NALF1: variants seen among roughly 807,000 people sequenced by gnomAD.
NALF1 encodes NALCN channel auxiliary factor 1, also known as family with sequence similarity 155 member A.
A neutral mutation model predicts 48.4 loss-of-function variants in NALF1; 3 were observed. The observed-to-expected ratio is 0.06, with a 90% CI of 0.03 to 0.16. The LOEUF (loss-of-function observed/expected upper bound fraction) is 0.16, where lower values mean the gene tolerates loss of function less well. NALF1 is among the 10% of genes least tolerant of loss of function. The pLI is 1.00. For synonymous variants in NALF1, 262 were observed against 245.7 expected, an observed-to-expected ratio of 1.07 and a Z score of -0.62; for missense variants, 526 against 571.5, an observed-to-expected ratio of 0.92 and a Z score of 0.81.
chr13:107,621,996 GT>G (rs34784565), intron 1 of NALF1, among the ~76,000 whole-genome samples: 2 of 150,030 alleles, frequency 1.3e-5, no homozygotes, highest in Admixed American at 6.6e-5. Context: ...CCACAAAGCA[GT>G]TTTTTTTTTC....
intron 1 of NALF1, among the ~76,000 whole-genome samples, chr13:107,379,860 G>A (rs1466310808): frequency 6.6e-6 from 1 of 152,216 alleles, no homozygotes; most frequent in African/African-American, 2.4e-5. Flanking sequence ...GGAGTGGGCA[G>A]ATCACATGGA....
intron 1 of NALF1, among the ~76,000 whole-genome samples, chr13:107,603,106 G>A (rs1253467579): frequency 1.3e-5 from 2 of 152,066 alleles, no homozygotes; most frequent in East Asian, 1.9e-4. Flanking sequence ...GTTTTATAAA[G>A]CAATGCTAAA....
chr13:107,216,513 T>TG (rs970548986), intron 1 of NALF1, among the ~76,000 whole-genome samples: 2 of 150,740 alleles, frequency 1.3e-5, no homozygotes, highest in African/African-American at 2.5e-5. Context: ...TGATCCCTTG[T>TG]GGGGGGTCTT....
At chr13:107,306,441 A>T (rs1488278433) in intron 1 of NALF1, among the ~76,000 whole-genome samples, 3 of 152,120 alleles carry the variant, frequency 2.0e-5, no homozygotes, top group Admixed American at 1.3e-4. Flanking sequence ...ATCAGTGATG[A>T]TTTGGTATTA....
chr13:107,202,029 T>G (rs1386649183), intron 2 of NALF1, among the ~76,000 whole-genome samples: 1 of 152,220 alleles, frequency 6.6e-6, no homozygotes, highest in African/African-American at 2.4e-5. Context: ...TAGTGTCAGA[T>G]GATAACATAA....
At position 107,351,639 on chromosome 13, in the gene NALF1, A is replaced by T. The variant is rs141096609; in HGVS notation, c.916-140884T>A. ...CAAATCTCTCCCTTTTTGCTAATAA[A>T]AGCTTCCCTCTATCCTTCCCTCACC... is the stretch of plus-strand genomic sequence containing the variant. On this transcript the variant is annotated intron_variant, in intron 1 of 2. Transcript: ENST00000375915. Among the ~76,000 whole-genome samples, 367 of 152,310 alleles carry T rather than the reference A, an allele frequency of 2.4e-3. 5 individuals carry two copies. Among genetic ancestry groups the T allele is most frequent in the African/African-American group, 8.2e-3 (340 of 41,572 alleles).
At chr13:107,809,529 G>T (rs751813666) in intron 1 of NALF1, among the ~76,000 whole-genome samples, 2 of 151,942 alleles carry the variant, frequency 1.3e-5, no homozygotes, top group African/African-American at 4.8e-5. Context: ...TCTAACTGAC[G>T]CACCCACTGT....
intron 1 of NALF1, among the ~76,000 whole-genome samples, chr13:107,572,296 T>G (rs1323395550): frequency 6.6e-6 from 1 of 152,120 alleles, no homozygotes; most frequent in Non-Finnish European, 1.5e-5. Context: ...TGAACGACCC[T>G]GGGAGGCAGA....
intron 1 of NALF1, among the ~76,000 whole-genome samples, chr13:107,844,517 T>C (rs539117050): frequency 2.6e-5 from 4 of 152,298 alleles, no homozygotes; most frequent in Non-Finnish European, 4.4e-5. Flanking sequence ...GAATTCAATA[T>C]TCAGTAGTTC....
At chr13:107,203,786 G>GA (rs1879573530) in intron 2 of NALF1, among the ~76,000 whole-genome samples, 1 of 152,202 alleles carries the variant, frequency 6.6e-6, no homozygotes. Flanking sequence ...TCCCTGGTCT[G>GA]ATGCATTTCA....
chr13:107,720,092 G>A (rs1357993692), intron 1 of NALF1, among the ~76,000 whole-genome samples: 1 of 152,138 alleles, frequency 6.6e-6, no homozygotes, highest in Non-Finnish European at 1.5e-5. Context: ...CGTGCAACTA[G>A]ACAATACTTT....
At chr13:107,637,207 T>C (rs1418274245) in intron 1 of NALF1, among the ~76,000 whole-genome samples, 1 of 151,892 alleles carries the variant, frequency 6.6e-6, no homozygotes, top group East Asian at 1.9e-4. Flanking sequence ...CATATCTTTG[T>C]TGTTAAGCAA....
intron 1 of NALF1, among the ~76,000 whole-genome samples, chr13:107,526,976 T>C (rs1425414765): frequency 6.6e-6 from 1 of 152,146 alleles, no homozygotes; most frequent in Non-Finnish European, 1.5e-5. Flanking sequence ...GATCTTAGGC[T>C]GAAGAACCAT....
chr13:107,235,809 G>T (rs913884001), intron 1 of NALF1, among the ~76,000 whole-genome samples: 1 of 152,126 alleles, frequency 6.6e-6, no homozygotes. Flanking sequence ...AGTTATGACA[G>T]AATTACACGA....
At chr13:107,564,167 T>C (rs1219816021) in intron 1 of NALF1, among the ~76,000 whole-genome samples, 1 of 152,222 alleles carries the variant, frequency 6.6e-6, no homozygotes, top group Non-Finnish European at 1.5e-5. Context: ...GTAATGAGGC[T>C]TTCTCTATTT....
At chr13:107,821,937 T>G (rs559041451) in intron 1 of NALF1, among the ~76,000 whole-genome samples, 1 of 152,168 alleles carries the variant, frequency 6.6e-6, no homozygotes, top group South Asian at 2.1e-4. Context: ...CATGGCACAA[T>G]ATAATCCCCA....
chr13:107,513,991 T>A (rs570395500), intron 1 of NALF1, among the ~76,000 whole-genome samples: 31 of 152,202 alleles, frequency 2.0e-4, no homozygotes, highest in Non-Finnish European at 3.7e-4. Context: ...AGAATGTACA[T>A]GGACAAGCTT....
In NALF1 at chr13:107,866,496, C is replaced by G; in HGVS notation, c.101G>C (p.Arg34Thr). 3.7e-6 allele frequency: 6 copies of G among 1,614,038 alleles called. No individual in the cohort carries two copies. The highest frequency in any genetic ancestry group is 5.1e-6 in the Non-Finnish European group (6 of 1,180,006). Residue 34 changes from arginine (R) to threonine (T), a missense_variant, in exon 1 of 3, where the codon AGG (arginine) becomes ACG (threonine). Physicochemically the swap from Arg to Thr is moderately conservative, Grantham distance 71. Around this residue, in one of 2 missense-constraint regions of NALF1, gnomAD observed 373 missense variants for 355.5 expected, o/e 1.05. Transcript: ENST00000375915. This position sits in a 1 kb window ranked among gnomAD's most constrained non-coding sequence, Gnocchi z 4.4. ...ENEKPFIDSE[R>T]AQKWRLSLAS... ...CAGAGACAGTCGCCATTTCTGAGCC[C>G]TCTCGGAATCGATGAACGGTTTCTC... is the stretch of plus-strand genomic sequence containing the variant.
intron 1 of NALF1, among the ~76,000 whole-genome samples, chr13:107,306,163 T>A (rs555264211): frequency 6.6e-6 from 1 of 152,314 alleles, no homozygotes; most frequent in East Asian, 1.9e-4. Flanking sequence ...AATTATTTAT[T>A]ATAACTCAAA....
Sources: allele counts gnomAD v4.1 joint callset (sites outside exome capture counted in the v4.1 genomes callset), GRCh38; gene constraint gnomAD v4.1.1; regional missense constraint gnomAD v4.1.1; non-coding constraint Gnocchi (gnomAD v3.1); transcripts MANE v1.5; gene names NCBI Gene and HGNC (gene_info 2026-07-23, HGNC 2026-07-21).